The following PSMD14 variants were observed in gnomAD, a reference collection of about 807,000 sequenced individuals.
PSMD14 encodes the protein ubiquitin C-terminal hydrolase PSMD14.
Under a neutral mutation model 41.2 loss-of-function variants are expected in PSMD14, and 7 were observed. The ratio of observed to expected loss-of-function variants is 0.17; its 90% CI spans 0.10 to 0.32. The LOEUF is 0.32. Ranked by LOEUF, PSMD14 falls within the 10% of genes least tolerant of loss-of-function variation. PSMD14 has a pLI of 1.00. For missense variants in PSMD14, 139 were observed against 375.6 expected (o/e 0.37, Z 5.21); for synonymous variants, 114 against 122.3 (o/e 0.93, Z 0.45).
At chr2:161,370,635 C>T (rs1453341629) in intron 6 of PSMD14, among the ~76,000 whole-genome samples, 1 of 152,158 alleles carries the variant, frequency 6.6e-6, no homozygotes, top group African/African-American at 2.4e-5. Flanking sequence ...TTGTCATTCT[C>T]TTGCTCAAAT....
At chr2:161,341,527 T>A (rs1207130940) in intron 3 of PSMD14, among the ~76,000 whole-genome samples, 1 of 151,978 alleles carries the variant, frequency 6.6e-6, no homozygotes, top group Non-Finnish European at 1.5e-5. Context: ...CCAGAGTTTT[T>A]AATTTTGATA....
rs540597374 is a variant in PSMD14, at chr2:161,371,283, G to A, written c.423G>A (p.Val141=). ...QSFEALSERA[V]AVVVDPIQSV... is the part of the protein sequence containing the mutation. ...TTGAAGCCTTGTCGGAGAGAGCTGT[G>A]GCAGTGGTTGTGGATCCCATTCAGA... is the stretch of plus-strand genomic sequence containing the variant. Residue 141 remains valine, a synonymous_variant, in exon 7 of 12, where the codon GTG becomes GTA. Coordinates refer to ENST00000409682, the MANE Select transcript of PSMD14 (RefSeq NM_005805.6). The A allele has an allele frequency of 9.3e-6, 15 of 1,611,472 alleles. No homozygotes were observed. Among genetic ancestry groups the A allele is most frequent in the Non-Finnish European group, 8.5e-6 (10 of 1,178,732 alleles).
intron 3 of PSMD14, chr2:161,341,339 G>A (rs1275505913): frequency 2.0e-6 from 2 of 1,009,354 alleles, no homozygotes; most frequent in South Asian, 4.5e-5. Flanking sequence ...CGCCGCGGCC[G>A]CCGAGTGCCG....
intron 7 of PSMD14, among the ~76,000 whole-genome samples, chr2:161,374,691 C>G (rs761639544): frequency 7.2e-5 from 11 of 152,034 alleles, no homozygotes; most frequent in Non-Finnish European, 1.2e-4. Context: ...GGACCTCCTG[C>G]TGAATGTTGT....
At chr2:161,335,918 A>G (rs1226069398) in intron 3 of PSMD14, among the ~76,000 whole-genome samples, 2 of 152,210 alleles carry the variant, frequency 1.3e-5, no homozygotes, top group Non-Finnish European at 2.9e-5. Flanking sequence ...GGGTTATGTT[A>G]TTATTAGAAG....
At chr2:161,316,630 T>G (rs989593691) in intron 2 of PSMD14, 61 bp downstream of exon 2, 1 of 152,200 alleles carries the variant, frequency 6.6e-6, no homozygotes, top group African/African-American at 2.4e-5. Flanking sequence ...AGAGAGATAG[T>G]ATGAAAATGT....
At chr2:161,344,716 G>A (rs1242403387) in intron 3 of PSMD14, among the ~76,000 whole-genome samples, 1 of 152,096 alleles carries the variant, frequency 6.6e-6, no homozygotes, top group Admixed American at 6.5e-5. Flanking sequence ...TTTGTAAGCA[G>A]GTCTGCTGCC....
At chr2:161,337,556 T>C (rs1176352490) in intron 3 of PSMD14, among the ~76,000 whole-genome samples, 1 of 152,218 alleles carries the variant, frequency 6.6e-6, no homozygotes, top group Non-Finnish European at 1.5e-5. Context: ...CTAATCAATA[T>C]TTTAGTTTGG....
At chr2:161,364,965 G>A (rs1370002090) in intron 3 of PSMD14, among the ~76,000 whole-genome samples, 2 of 152,072 alleles carry the variant, frequency 1.3e-5, no homozygotes, top group South Asian at 2.1e-4. Context: ...TCAGCCTGGC[G>A]TGGTGACATG....
intron 7 of PSMD14, among the ~76,000 whole-genome samples, chr2:161,375,270 A>C (rs1315642682): frequency 6.6e-6 from 1 of 152,024 alleles, no homozygotes; most frequent in African/African-American, 2.4e-5. Flanking sequence ...TTATTCTGCC[A>C]ATTATATACT....
chr2:161,408,671 CCTGAAGGTTATT>C, intron 10 of PSMD14, 154 bp from the exon 11 acceptor site: 1 of 537,352 alleles, frequency 1.9e-6, no homozygotes, highest in Non-Finnish European at 3.3e-6. Context: ...TTTTTATTGC[CCTGAAGGTTATT>C]CTGAAGTTTA....
chr2:161,313,389 G>A (rs192159756), intron 1 of PSMD14, among the ~76,000 whole-genome samples: 79 of 151,964 alleles, frequency 5.2e-4, no homozygotes, highest in African/African-American at 1.6e-3. Context: ...TTGCTGTGTC[G>A]CCCAGGCTGG....
At chr2:161,380,854 A>G (rs777820988) in intron 7 of PSMD14, among the ~76,000 whole-genome samples, 6 of 152,028 alleles carry the variant, frequency 3.9e-5, no homozygotes, top group Non-Finnish European at 8.8e-5. Flanking sequence ...GCATGGCAGC[A>G]GAAGTAACGA....
At chr2:161,341,060 C>A (rs1390103574) in intron 3 of PSMD14, 1 of 1,572,564 alleles carries the variant, frequency 6.4e-7, no homozygotes, top group East Asian at 2.3e-5. Flanking sequence ...CGGGCTCCCC[C>A]GGTCCCGCAG....
intron 1 of PSMD14, among the ~76,000 whole-genome samples, chr2:161,316,164 G>A (rs1689146053): frequency 6.6e-6 from 1 of 152,142 alleles, no homozygotes; most frequent in African/African-American, 2.4e-5. Flanking sequence ...TTGGAAAGAT[G>A]TCTGGAAAGA....
At chr2:161,366,691 G>A (rs564949950) in intron 3 of PSMD14, among the ~76,000 whole-genome samples, 7 of 152,154 alleles carry the variant, frequency 4.6e-5, no homozygotes, top group Non-Finnish European at 7.4e-5. Context: ...TAATTGTGGG[G>A]CAGAATCACA....
At chr2:161,377,213 C>T (rs184608988) in intron 7 of PSMD14, among the ~76,000 whole-genome samples, 1 of 152,018 alleles carries the variant, frequency 6.6e-6, no homozygotes, top group African/African-American at 2.4e-5. Context: ...TAGTCCTAAT[C>T]ATAAATTATA....
intron 3 of PSMD14, among the ~76,000 whole-genome samples, chr2:161,334,056 G>T (rs1457691260): frequency 1.3e-5 from 2 of 151,774 alleles, no homozygotes; most frequent in East Asian, 3.9e-4. Flanking sequence ...AAAAAGGCCA[G>T]GCCTGGTGGC....
At chr2:161,407,086 A>C (rs1473501728) in intron 10 of PSMD14, among the ~76,000 whole-genome samples, 1 of 152,152 alleles carries the variant, frequency 6.6e-6, no homozygotes, top group Non-Finnish European at 1.5e-5. Flanking sequence ...ATGTACCCAG[A>C]ACAACTAACA....
Sources: gnomAD v4.1 joint callset for allele counts (sites outside exome capture counted in the v4.1 genomes callset) on GRCh38, gnomAD v4.1.1 for gene constraint, MANE v1.5 for transcripts, NCBI Gene and HGNC (gene_info 2026-07-23, HGNC 2026-07-21) for gene names.